The following TAOK3 variants were observed in gnomAD, a reference collection of about 807,000 sequenced individuals.
TAOK3 encodes the protein TAO kinase 3.
TAOK3 carries 40 observed loss-of-function variants against 120.4 expected under a neutral mutation model. That is an observed-to-expected ratio of 0.33 (90% CI 0.26 to 0.43). TAOK3 has a LOEUF of 0.43. Among genes scored for constraint, TAOK3 ranks in the 20% least tolerant of loss-of-function variants. TAOK3 has a pLI of 1.00. For synonymous variants in TAOK3, 355 were observed against 387.5 expected (o/e 0.92, Z 0.99); for missense variants, 821 against 1,112.1 (o/e 0.74, Z 3.72).
intron 9 of TAOK3, among the ~76,000 whole-genome samples, chr12:118,220,957 ACT>A (rs1485307760): frequency 6.6e-6 from 1 of 152,252 alleles, no homozygotes; most frequent in Non-Finnish European, 1.5e-5. Flanking sequence ...GACAAGGCTC[ACT>A]GCTGAGCCAG....
intron 15 of TAOK3, among the ~76,000 whole-genome samples, chr12:118,179,342 G>C (rs76017371): frequency 6.6e-6 from 1 of 152,198 alleles, no homozygotes; most frequent in African/African-American, 2.4e-5. Context: ...GGGGTGGCAG[G>C]AAAGGTGACT....
At chr12:118,276,837 T>C (rs2041919965) in intron 1 of TAOK3, among the ~76,000 whole-genome samples, 1 of 152,106 alleles carries the variant, frequency 6.6e-6, no homozygotes, top group Non-Finnish European at 1.5e-5. Flanking sequence ...AAACCCCGTG[T>C]CTACTAAAAA....
intron 1 of TAOK3, chr12:118,359,223 G>A (rs1170803314): frequency 3.3e-5 from 5 of 152,030 alleles, no homozygotes; most frequent in East Asian, 1.9e-4. Flanking sequence ...TTTGCATTTC[G>A]ACATTTTAGA....
intron 2 of TAOK3, 69 bp from the exon 3 acceptor site, chr12:118,255,724 T>C (rs2040952721): frequency 4.2e-6 from 3 of 708,386 alleles, no homozygotes; most frequent in Non-Finnish European, 6.7e-6. Context: ...TACAAATACA[T>C]ACAAATATTA....
intron 11 of TAOK3, among the ~76,000 whole-genome samples, 174 bp from the exon 12 acceptor site, chr12:118,201,637 G>C (rs914444195): frequency 6.6e-6 from 1 of 152,142 alleles, no homozygotes; most frequent in East Asian, 1.9e-4. Flanking sequence ...CTCATAAAGA[G>C]ATAGCTATGC....
chr12:118,296,113 G>T (rs1391138961), intron 1 of TAOK3, among the ~76,000 whole-genome samples: 1 of 152,160 alleles, frequency 6.6e-6, no homozygotes, highest in African/African-American at 2.4e-5. Context: ...ATTAAATGTG[G>T]CAAACACTTA....
intron 1 of TAOK3, among the ~76,000 whole-genome samples, chr12:118,296,180 T>G (rs1303968223): frequency 6.6e-6 from 1 of 152,184 alleles, no homozygotes; most frequent in African/African-American, 2.4e-5. Context: ...TTTTCTTTTC[T>G]TTGTGCAATG....
intron 13 of TAOK3, among the ~76,000 whole-genome samples, chr12:118,191,079 T>C (rs1046246219): frequency 3.9e-5 from 6 of 152,216 alleles, no homozygotes; most frequent in Non-Finnish European, 7.3e-5. Context: ...CTTGAAATTT[T>C]TTATAATGGC....
chr12:118,186,134 G>A (rs182558831), intron 14 of TAOK3, among the ~76,000 whole-genome samples: 1 of 152,198 alleles, frequency 6.6e-6, no homozygotes, highest in East Asian at 1.9e-4. Flanking sequence ...CTTTTCTATC[G>A]AATCTGGCAA....
chr12:118,217,811 G>GTATATA (rs1555223814), intron 9 of TAOK3, among the ~76,000 whole-genome samples: 3 of 75,386 alleles, frequency 4.0e-5, no homozygotes, highest in East Asian at 3.6e-4. Context: ...GTGTGTGTGT[G>GTATATA]TATACATATA....
Sources: gnomAD v4.1 joint callset for allele counts (sites outside exome capture counted in the v4.1 genomes callset) on GRCh38, gnomAD v4.1.1 for gene constraint, MANE v1.5 for transcripts, NCBI Gene and HGNC (gene_info 2026-07-23, HGNC 2026-07-21) for gene names.